The following CEP128 variants were observed in gnomAD, a reference collection of about 807,000 sequenced individuals.
CEP128 encodes centrosomal protein 128, also known as centrosomal protein 128kDa.
A neutral mutation model predicts 156.7 loss-of-function variants in CEP128; 132 were observed. That is an observed-to-expected ratio of 0.84 (90% CI 0.73 to 0.97). CEP128 has a LOEUF of 0.97. Ranked by LOEUF, CEP128 falls within the 50% of genes least tolerant of loss-of-function variation. CEP128 has a pLI of 0.00. For missense variants in CEP128, 1,252 were observed against 1,281.9 expected (o/e 0.98, Z 0.36); for synonymous variants, 469 against 448.9 (o/e 1.04, Z -0.57).
intron 3 of CEP128, among the ~76,000 whole-genome samples, chr14:80,915,903 T>C (rs1173485948): frequency 1.3e-5 from 2 of 152,252 alleles, no homozygotes; most frequent in Non-Finnish European, 2.9e-5. Context: ...CTGCAACCTG[T>C]GTATGTATAC....
intron 21 of CEP128, among the ~76,000 whole-genome samples, chr14:80,558,603 A>T (rs1031650110): frequency 6.6e-6 from 1 of 151,728 alleles, no homozygotes; most frequent in African/African-American, 2.4e-5. Flanking sequence ...TTGTATTTTT[A>T]GTAGAGACGG....
intron 19 of CEP128, among the ~76,000 whole-genome samples, chr14:80,634,547 C>T (rs570081257): frequency 7.2e-5 from 11 of 152,166 alleles, no homozygotes; most frequent in African/African-American, 1.7e-4. Flanking sequence ...TGGTGAGTTA[C>T]GCTTAGTAGG....
At chr14:80,659,275 C>CA (rs377367292) in intron 19 of CEP128, among the ~76,000 whole-genome samples, 222 of 149,166 alleles carry the variant, frequency 1.5e-3, no homozygotes, top group South Asian at 2.3e-3. Context: ...GGAAAGGGGT[C>CA]AAAAAAAAAT....
chr14:80,952,954 T>A (rs564331657), intron 2 of CEP128, among the ~76,000 whole-genome samples: 1 of 152,298 alleles, frequency 6.6e-6, no homozygotes, highest in African/African-American at 2.4e-5. Context: ...CAAGAAGAAT[T>A]ATATGACTTG....
At chr14:80,848,371 A>C (rs1886713360) in intron 9 of CEP128, among the ~76,000 whole-genome samples, 1 of 152,108 alleles carries the variant, frequency 6.6e-6, no homozygotes, top group African/African-American at 2.4e-5. Context: ...AACAATAGAA[A>C]ATTAGGGGTT....
intron 11 of CEP128, among the ~76,000 whole-genome samples, chr14:80,837,910 T>C (rs1198348431): frequency 6.6e-6 from 1 of 152,314 alleles, no homozygotes; most frequent in South Asian, 2.1e-4. Context: ...TTTTATCTTA[T>C]ACATTCAGTC....
intron 19 of CEP128, among the ~76,000 whole-genome samples, chr14:80,641,837 C>T (rs932380567): frequency 6.6e-6 from 1 of 151,934 alleles, no homozygotes; most frequent in Non-Finnish European, 1.5e-5. Flanking sequence ...AAATATTATA[C>T]AAAGAGAGAG....
Position 80,497,555 on chromosome 14 carries a change from T to C in CEP128, c.3209A>G (p.Asp1070Gly). ...NSFTKRTVAPDSASNKEDATM... is the reference protein window; with the variant it reads ...NSFTKRTVAPGSASNKEDATM... ...GGCATCTTCCTTGTTTGAAGCTGAA[T>C]CTGGAGCAACAGTTCTTTTGGTAAA... Residue 1070 changes from aspartate to glycine, a missense_variant, in exon 25 of 25, where the codon GAT becomes GGT. Transcript: ENST00000555265. 1.9e-6 allele frequency: 3 copies of C among 1,613,226 alleles called. No homozygotes were observed. Among genetic ancestry groups the C allele is most frequent in the Non-Finnish European group, 2.5e-6 (3 of 1,179,454 alleles).
chr14:80,742,884 G>A, intron 19 of CEP128, 191 bp downstream of exon 19: 1 of 578,418 alleles, frequency 1.7e-6, no homozygotes, highest in South Asian at 2.1e-5. Flanking sequence ...TACACAGGAG[G>A]AATGCTGTGG....
chr14:80,629,751 T>A (rs1005278103), intron 19 of CEP128, among the ~76,000 whole-genome samples: 1 of 152,070 alleles, frequency 6.6e-6, no homozygotes, highest in African/African-American at 2.4e-5. Context: ...TGTTTTCATC[T>A]TTTCTTTTCC....
At chr14:80,926,721 T>C (rs992082869) in intron 2 of CEP128, among the ~76,000 whole-genome samples, 3 of 152,072 alleles carry the variant, frequency 2.0e-5, no homozygotes, top group African/African-American at 7.3e-5. Flanking sequence ...AAGCACCACC[T>C]CCAGGCTGGA....
rs201045822 is a variant in CEP128 at position 80,511,065 on chromosome 14, C to CT, written c.3073-6046dup. On this transcript the variant is annotated intron_variant, in intron 23 of 24. Coordinates refer to ENST00000555265, the MANE Select transcript of CEP128 (RefSeq NM_152446.5). ...TATTGGCCTGTGGGTTTTTTTTTTC[C>CT]TTTTTTTTTTTTATATGTCTTCTTC... 5.3e-4 allele frequency among the ~76,000 whole-genome samples: 77 copies of CT among 145,546 alleles called. 1 individual carries two copies. The highest frequency in any genetic ancestry group is 9.5e-4 in the African/African-American group (37 of 39,040).
At chr14:80,688,499 A>G (rs984984785) in intron 19 of CEP128, among the ~76,000 whole-genome samples, 11 of 152,232 alleles carry the variant, frequency 7.2e-5, no homozygotes, top group African/African-American at 2.7e-4. Flanking sequence ...AATAGCATCA[A>G]GTTTAGCAAG....
chr14:80,529,039 G>A (rs898398422), intron 22 of CEP128, among the ~76,000 whole-genome samples: 1 of 152,158 alleles, frequency 6.6e-6, no homozygotes, highest in African/African-American at 2.4e-5. Flanking sequence ...GCAGCAGGGC[G>A]AAGCAGATGG....
At chr14:80,920,881 A>G (rs1302509853) in intron 2 of CEP128, among the ~76,000 whole-genome samples, 1 of 152,220 alleles carries the variant, frequency 6.6e-6, no homozygotes, top group Non-Finnish European at 1.5e-5. Flanking sequence ...AATAAGTATC[A>G]AGAAGAGCTT....
chr14:80,831,129 A>G lies in CEP128; in HGVS notation c.1209+14T>C. 6.2e-7 allele frequency: 1 copy of G among 1,612,544 alleles called. No individual in the cohort carries two copies. Among genetic ancestry groups the G allele is most frequent in the Non-Finnish European group, 8.5e-7 (1 of 1,178,584 alleles). On this transcript the variant is annotated intron_variant, in intron 13 of 24. Coordinates refer to ENST00000555265, the MANE Select transcript of CEP128 (RefSeq NM_152446.5). ...TAAAATATTTCGAATATGACTTAAA[A>G]AGAGCAAAGTCACCTCTACTTGTGA...
At chr14:80,959,041 A>G (rs1457718813) in intron 1 of CEP128, among the ~76,000 whole-genome samples, 1 of 152,204 alleles carries the variant, frequency 6.6e-6, no homozygotes, top group Non-Finnish European at 1.5e-5. Context: ...ATTGTTCTGA[A>G]AGGTAAACAG....
intron 10 of CEP128, among the ~76,000 whole-genome samples, chr14:80,839,504 AACACACAC>A (rs367547508): frequency 6.6e-6 from 1 of 150,444 alleles, no homozygotes; most frequent in African/African-American, 2.4e-5. Flanking sequence ...ACTTCACACA[AACACACAC>A]ACACACACAC....
intron 19 of CEP128, among the ~76,000 whole-genome samples, chr14:80,581,590 C>T (rs1035576431): frequency 6.6e-6 from 1 of 152,142 alleles, no homozygotes; most frequent in African/African-American, 2.4e-5. Flanking sequence ...CTCCTGAAGA[C>T]ACAACATGCT....
Sources: gnomAD v4.1 joint callset for allele counts (sites outside exome capture counted in the v4.1 genomes callset) on GRCh38, gnomAD v4.1.1 for gene constraint, MANE v1.5 for transcripts, NCBI Gene and HGNC (gene_info 2026-07-23, HGNC 2026-07-21) for gene names.